The following FGGY variants were observed in gnomAD, a reference collection of about 807,000 sequenced individuals.
The protein encoded by FGGY is FGGY carbohydrate kinase domain-containing protein.
A neutral mutation model predicts 71.3 loss-of-function variants in FGGY; 72 were observed. The ratio of observed to expected loss-of-function variants is 1.01; its 90% CI spans 0.84 to 1.23. The LOEUF (loss-of-function observed/expected upper bound fraction) is 1.23, where lower values mean the gene tolerates loss of function less well. Among genes scored for constraint, FGGY ranks in the 50% most tolerant of loss-of-function variants. The probability of loss-of-function intolerance (pLI) is 0.00; values close to 1 mark genes in which losing one functional copy is unlikely to be tolerated. For missense variants in FGGY, 668 were observed against 682.3 expected, an observed-to-expected ratio of 0.98 and a Z score of 0.23; for synonymous variants, 251 against 250.3, an observed-to-expected ratio of 1.00 and a Z score of -0.02.
chr1:59,550,346 C>T (rs2095589037), intron 7 of FGGY, among the ~76,000 whole-genome samples: 1 of 152,040 alleles, frequency 6.6e-6, no homozygotes, highest in African/African-American at 2.4e-5. Flanking sequence ...CTCTGAACCT[C>T]TTTTCTCGGG....
At chr1:59,658,292 A>T (rs2153954266) in intron 11 of FGGY, among the ~76,000 whole-genome samples, 1 of 152,246 alleles carries the variant, frequency 6.6e-6, no homozygotes, top group East Asian at 1.9e-4. Context: ...AATTCTTACC[A>T]TATGCTTAGG....
At chr1:59,676,121 C>T (rs1295979692) in intron 14 of FGGY, among the ~76,000 whole-genome samples, 1 of 152,026 alleles carries the variant, frequency 6.6e-6, no homozygotes, top group African/African-American at 2.4e-5. Flanking sequence ...GTTGTTTACC[C>T]AGTCTATGGC....
intron 1 of FGGY, among the ~76,000 whole-genome samples, chr1:59,304,480 T>C (rs912143293): frequency 1.3e-5 from 2 of 152,154 alleles, no homozygotes; most frequent in East Asian, 1.9e-4. Context: ...AGCTTTGTAA[T>C]ATAATTTGAA....
At chr1:59,367,820 C>T (rs547551697) in intron 4 of FGGY, among the ~76,000 whole-genome samples, 3 of 152,274 alleles carry the variant, frequency 2.0e-5, no homozygotes, top group Non-Finnish European at 4.4e-5. Context: ...CTACCTCCGC[C>T]CTCTGCTTAG....
chr1:59,656,673 C>T (rs191981972), intron 11 of FGGY, among the ~76,000 whole-genome samples: 26 of 152,226 alleles, frequency 1.7e-4, no homozygotes, highest in African/African-American at 5.5e-4. Context: ...ATACTGGAAA[C>T]GGTTGTATGA....
intron 11 of FGGY, among the ~76,000 whole-genome samples, chr1:59,649,131 C>G (rs972659397): frequency 1.1e-4 from 16 of 151,808 alleles, no homozygotes; most frequent in Non-Finnish European, 2.2e-4. Flanking sequence ...GTACCAGTAC[C>G]ATGCTGTTTT....
At chr1:59,398,715 G>A (rs1344698379) in intron 5 of FGGY, among the ~76,000 whole-genome samples, 1 of 152,104 alleles carries the variant, frequency 6.6e-6, no homozygotes, top group Non-Finnish European at 1.5e-5. Context: ...AAATTTTTCA[G>A]AATGAGAAAA....
chr1:59,362,334 C>G (rs2055720785), intron 4 of FGGY, among the ~76,000 whole-genome samples: 1 of 152,078 alleles, frequency 6.6e-6, no homozygotes, highest in East Asian at 1.9e-4. Context: ...ATCCTCCTGC[C>G]TCCTATTTCT....
At chr1:59,672,824 T>A (rs1218874223) in intron 13 of FGGY, among the ~76,000 whole-genome samples, 1 of 152,210 alleles carries the variant, frequency 6.6e-6, no homozygotes, top group African/African-American at 2.4e-5. Context: ...TAAAGTTTGC[T>A]GCCATCTCCC....
intron 1 of FGGY, among the ~76,000 whole-genome samples, chr1:59,321,171 T>C (rs1003398852): frequency 6.6e-6 from 1 of 152,190 alleles, no homozygotes; most frequent in Non-Finnish European, 1.5e-5. Flanking sequence ...CTGTTCTTGT[T>C]GATTGAAATT....
rs534585371 is a variant in FGGY, at chr1:59,478,026, GC to G, written c.670+20952del. Among the ~76,000 whole-genome samples, 13 of 152,258 alleles carry G rather than the reference GC, an allele frequency of 8.5e-5. No individual in the cohort carries two copies. The South Asian group carries it at 2.7e-3, about 32-fold the overall frequency. On this transcript the variant is annotated intron_variant, in intron 6 of 15. Coordinates refer to ENST00000303721, the MANE Select transcript of FGGY (RefSeq NM_018291.5). ...ATACATGAGTTTGAATCCTGGCCCT[GC>G]CATTTACTACCTTTGTGACCAGTAT...
intron 5 of FGGY, among the ~76,000 whole-genome samples, chr1:59,389,919 T>C (rs1469435605): frequency 2.0e-5 from 3 of 151,952 alleles, no homozygotes; most frequent in African/African-American, 7.3e-5. Flanking sequence ...CCCCAGGGAG[T>C]GTCATAAAAT....
At position 59,652,324 on chromosome 1, in the gene FGGY, C is replaced by T. The variant is rs1372586338; in HGVS notation, c.1222-7895C>T. The stretch of plus-strand genomic sequence containing the variant: ...TGCCTTGCTAGATTGGGGAAGTTCT[C>T]CTGGATAATATCCTGCAGAGTGTTT... On this transcript the variant is annotated intron_variant, in intron 11 of 15. Coordinates refer to ENST00000303721, the MANE Select transcript of FGGY (RefSeq NM_018291.5). Among the ~76,000 whole-genome samples the T allele has an allele frequency of 2.3e-4, 35 of 149,320 alleles. 1 individual carries two copies. In the East Asian group the frequency reaches 6.5e-3, roughly 28 times the overall value.
At chr1:59,311,835 C>A (rs1208485175) in intron 1 of FGGY, among the ~76,000 whole-genome samples, 1 of 152,184 alleles carries the variant, frequency 6.6e-6, no homozygotes, top group African/African-American at 2.4e-5. Flanking sequence ...TCTACTCTTC[C>A]ACAATGGTTG....
intron 6 of FGGY, among the ~76,000 whole-genome samples, chr1:59,492,436 C>T (rs1344526432): frequency 6.6e-6 from 1 of 152,112 alleles, no homozygotes; most frequent in Admixed American, 6.6e-5. Flanking sequence ...AGGGGAAATC[C>T]TCTGCCAGTA....
Position 59,551,115 on chromosome 1 carries a change from GGA to G in FGGY, c.800-3003_800-3002del, listed in dbSNP as rs573023161. Among the ~76,000 whole-genome samples the G allele has an allele frequency of 8.5e-3, 1,293 of 152,248 alleles. 12 individuals carry two copies. Among genetic ancestry groups the G allele is most frequent in the Non-Finnish European group, 0.014 (979 of 67,998 alleles). On this transcript the variant is annotated intron_variant, in intron 7 of 15. Coordinates refer to ENST00000303721, the MANE Select transcript of FGGY (RefSeq NM_018291.5). ...TGATGATGGTGATGATGGTGGTGGTGGAGAGAGTGATGGTAGTGATGATGGTG... is the reference window on the plus strand; with the variant it reads ...TGATGATGGTGATGATGGTGGTGGTGGAGAGTGATGGTAGTGATGATGGTG...
chr1:59,666,190 T>A (rs143487526), intron 12 of FGGY, among the ~76,000 whole-genome samples: 39 of 152,276 alleles, frequency 2.6e-4, no homozygotes, highest in African/African-American at 8.2e-4. Context: ...CTCTTCTGAC[T>A]TCTCTTCCCT....
At chr1:59,490,179 T>C (rs908442017) in intron 6 of FGGY, among the ~76,000 whole-genome samples, 8 of 152,114 alleles carry the variant, frequency 5.3e-5, no homozygotes, top group Admixed American at 3.3e-4. Context: ...GCTTCCCAAG[T>C]AGCTGAGACT....
intron 14 of FGGY, among the ~76,000 whole-genome samples, chr1:59,726,354 A>G (rs1479246191): frequency 1.3e-5 from 2 of 151,996 alleles, no homozygotes; most frequent in Non-Finnish European, 1.5e-5. Context: ...AATATTTTGC[A>G]TCTATATTCA....
Sources: gnomAD v4.1 joint callset for allele counts (sites outside exome capture counted in the v4.1 genomes callset) on GRCh38, gnomAD v4.1.1 for gene constraint, MANE v1.5 for transcripts, NCBI Gene and HGNC (gene_info 2026-07-23, HGNC 2026-07-21) for gene names.